The following PDE4D variants were observed in gnomAD, a reference collection of about 807,000 sequenced individuals.
PDE4D encodes the protein phosphodiesterase 4D.
Under a neutral mutation model 87.4 loss-of-function variants are expected in PDE4D, and 24 were observed. That is an observed-to-expected ratio of 0.27 (90% CI 0.20 to 0.39). The LOEUF (loss-of-function observed/expected upper bound fraction) is 0.39. Ranked by LOEUF, PDE4D falls within the 10% of genes least tolerant of loss-of-function variation. PDE4D has a pLI of 1.00. For missense variants in PDE4D, 714 were observed against 1,041.0 expected (o/e 0.69, Z 4.32); for synonymous variants, 384 against 383.2 (o/e 1.00, Z -0.02).
intron 5 of PDE4D, among the ~76,000 whole-genome samples, chr5:59,108,283 T>A (rs1008835823): frequency 3.3e-5 from 5 of 152,208 alleles, no homozygotes; most frequent in African/African-American, 1.2e-4. Flanking sequence ...TTATTTTGTA[T>A]CCTAATCCTA....
At chr5:60,407,475 A>T in intron 1 of PDE4D, among the ~76,000 whole-genome samples, 1 of 86,866 alleles carries the variant, frequency 1.2e-5, no homozygotes, top group Non-Finnish European at 2.0e-5. Flanking sequence ...TTTTTTTGAG[A>T]CGGAGTCTCA....
intron 1 of PDE4D, among the ~76,000 whole-genome samples, chr5:59,566,376 T>C (rs1242444350): frequency 6.6e-6 from 1 of 152,156 alleles, no homozygotes; most frequent in Non-Finnish European, 1.5e-5. Flanking sequence ...TTGCCTTCTT[T>C]TCCTGGTTAA....
intron 5 of PDE4D, among the ~76,000 whole-genome samples, chr5:59,177,607 T>C (rs1022163610): frequency 2.6e-5 from 4 of 152,098 alleles, no homozygotes; most frequent in Admixed American, 1.3e-4. Flanking sequence ...GCTCTCATGA[T>C]AGAGCATGAT....
chr5:59,110,632 GA>G (rs1240836161), intron 5 of PDE4D, among the ~76,000 whole-genome samples: 1 of 152,178 alleles, frequency 6.6e-6, no homozygotes, highest in East Asian at 1.9e-4. Flanking sequence ...AGCATTTTGG[GA>G]GGCTGAAGCA....
At chr5:60,520,216 A>C (rs1363129135) in intron 1 of PDE4D, among the ~76,000 whole-genome samples, 1 of 152,178 alleles carries the variant, frequency 6.6e-6, no homozygotes, top group Non-Finnish European at 1.5e-5. Flanking sequence ...CAACTGCCAG[A>C]CTATGTTCCT....
intron 1 of PDE4D, among the ~76,000 whole-genome samples, chr5:59,885,268 G>C (rs1310216017): frequency 1.3e-5 from 2 of 152,032 alleles, no homozygotes; most frequent in Non-Finnish European, 2.9e-5. Context: ...AGGAAAAACA[G>C]TCTTTTTATT....
chr5:59,274,917 A>T (rs1764518162), intron 1 of PDE4D, among the ~76,000 whole-genome samples: 1 of 152,132 alleles, frequency 6.6e-6, no homozygotes, highest in Non-Finnish European at 1.5e-5. Flanking sequence ...AATATAAATA[A>T]CATTATTAAT....
chr5:60,029,577 A>C (rs977482075), intron 2 of PDE4D, among the ~76,000 whole-genome samples: 3 of 152,212 alleles, frequency 2.0e-5, no homozygotes, highest in African/African-American at 7.2e-5. Context: ...ATATATTGTC[A>C]GGACTTCCTG....
At chr5:60,201,305 T>C (rs1243083654) in intron 1 of PDE4D, among the ~76,000 whole-genome samples, 2 of 150,870 alleles carry the variant, frequency 1.3e-5, no homozygotes, top group Non-Finnish European at 2.9e-5. Flanking sequence ...CAATTTGAAA[T>C]ATAATTGCTA....
intron 2 of PDE4D, among the ~76,000 whole-genome samples, chr5:60,128,320 A>G (rs1163599839): frequency 6.6e-6 from 1 of 152,260 alleles, no homozygotes; most frequent in Non-Finnish European, 1.5e-5. Flanking sequence ...GATAGAGTGC[A>G]GTATCATCTG....
chr5:59,228,436 C>CAA (rs201803062), intron 1 of PDE4D, among the ~76,000 whole-genome samples: 2 of 107,588 alleles, frequency 1.9e-5, no homozygotes, highest in East Asian at 2.2e-4. Flanking sequence ...TTAACAACAA[C>CAA]AACAAAAAAA....
intron 1 of PDE4D, among the ~76,000 whole-genome samples, chr5:60,368,389 G>A (rs1760732759): frequency 6.6e-6 from 1 of 152,266 alleles, no homozygotes; most frequent in East Asian, 1.9e-4. Context: ...TGGGAATATC[G>A]TGACCTGTGT....
intron 1 of PDE4D, among the ~76,000 whole-genome samples, chr5:59,553,164 C>T (rs1004955034): frequency 6.6e-6 from 1 of 152,088 alleles, no homozygotes; most frequent in African/African-American, 2.4e-5. Context: ...ACAATTTAAT[C>T]AGGATTGTCT....
intron 1 of PDE4D, among the ~76,000 whole-genome samples, chr5:59,317,515 C>T (rs1353881181): frequency 6.6e-6 from 1 of 152,084 alleles, no homozygotes; most frequent in African/African-American, 2.4e-5. Flanking sequence ...GCATGACTTC[C>T]CAAATTACAG....
intron 2 of PDE4D, among the ~76,000 whole-genome samples, chr5:60,067,961 A>G (rs545608591): frequency 9.9e-4 from 150 of 152,240 alleles, no homozygotes; most frequent in African/African-American, 3.4e-3. Context: ...TTTCTCATCT[A>G]TTCATCTGTC....
intron 1 of PDE4D, among the ~76,000 whole-genome samples, chr5:59,220,580 G>C (rs188450289): frequency 6.6e-6 from 1 of 152,200 alleles, no homozygotes; most frequent in African/African-American, 2.4e-5. Context: ...TCAGTAGGTA[G>C]TAAGTTAACT....
intron 2 of PDE4D, among the ~76,000 whole-genome samples, chr5:60,144,530 C>G (rs1377669684): frequency 2.0e-5 from 3 of 152,228 alleles, no homozygotes; most frequent in Admixed American, 6.5e-5. Context: ...GCATTGCTCA[C>G]TGCTATTCCA....
intron 5 of PDE4D, among the ~76,000 whole-genome samples, chr5:59,160,813 T>G (rs1224675141): frequency 1.3e-5 from 2 of 152,050 alleles, no homozygotes; most frequent in African/African-American, 4.8e-5. Flanking sequence ...AATAGTTGTT[T>G]TTGGCCGGGT....
At chr5:60,216,534 G>A (rs931955169) in intron 1 of PDE4D, among the ~76,000 whole-genome samples, 7 of 151,884 alleles carry the variant, frequency 4.6e-5, no homozygotes, top group Non-Finnish European at 7.4e-5. Context: ...CCAACAATAC[G>A]CTATCTACAA....
Sources: gnomAD v4.1 joint callset for allele counts (sites outside exome capture counted in the v4.1 genomes callset) on GRCh38, gnomAD v4.1.1 for gene constraint, MANE v1.5 for transcripts, NCBI Gene and HGNC (gene_info 2026-07-23, HGNC 2026-07-21) for gene names.